The following ZBTB20 variants were observed in gnomAD, a reference collection of about 807,000 sequenced individuals.
ZBTB20 encodes zinc finger and BTB domain-containing protein 20.
ZBTB20 carries 9 observed loss-of-function variants against 56.9 expected under a neutral mutation model. The observed-to-expected ratio is 0.16, with a 90% confidence interval of 0.10 to 0.28. The LOEUF is 0.28. ZBTB20 is among the 10% of genes least tolerant of loss of function. The pLI, the probability that ZBTB20 is intolerant of heterozygous loss-of-function variation, is 1.00. For missense variants in ZBTB20, 655 were observed against 1,003.0 expected (o/e 0.65, Z 4.69); for synonymous variants, 417 against 420.7 (o/e 0.99, Z 0.11).
chr3:114,583,775 T>C (rs1047854672), intron 6 of ZBTB20, among the ~76,000 whole-genome samples: 1 of 152,226 alleles, frequency 6.6e-6, no homozygotes, highest in Non-Finnish European at 1.5e-5. Context: ...GAGGTCTCAG[T>C]TACTATAATA....
At chr3:114,805,977 C>G (rs2072075894) in intron 4 of ZBTB20, among the ~76,000 whole-genome samples, 1 of 151,828 alleles carries the variant, frequency 6.6e-6, no homozygotes, top group African/African-American at 2.4e-5. Context: ...TATAACACCA[C>G]ATTTTATTTA....
chr3:114,514,841 C>A (rs1463811506), intron 6 of ZBTB20, among the ~76,000 whole-genome samples: 1 of 152,194 alleles, frequency 6.6e-6, no homozygotes, highest in Non-Finnish European at 1.5e-5. Flanking sequence ...GAAACCTCAG[C>A]ACACTTTTGG....
intron 6 of ZBTB20, among the ~76,000 whole-genome samples, chr3:114,563,527 C>A (rs1433887178): frequency 6.6e-6 from 1 of 152,040 alleles, no homozygotes; most frequent in Non-Finnish European, 1.5e-5. Flanking sequence ...TCAATTGTTG[C>A]CACAGTCAAG....
At chr3:114,494,876 T>G (rs981841091) in intron 7 of ZBTB20, among the ~76,000 whole-genome samples, 25 of 152,196 alleles carry the variant, frequency 1.6e-4, no homozygotes, top group African/African-American at 5.8e-4. Flanking sequence ...AGAATTCAAG[T>G]GGGGAAAAGT....
intron 2 of ZBTB20, among the ~76,000 whole-genome samples, chr3:114,995,509 T>C (rs1039222202): frequency 6.6e-6 from 1 of 151,818 alleles, no homozygotes; most frequent in Non-Finnish European, 1.5e-5. Context: ...TCTTAACATT[T>C]AAAGACAAAA....
chr3:114,357,877 GA>G (rs1410385224), intron 10 of ZBTB20, among the ~76,000 whole-genome samples: 1 of 152,186 alleles, frequency 6.6e-6, no homozygotes, highest in African/African-American at 2.4e-5. Flanking sequence ...GCCAAAATGA[GA>G]AAAGTTACTT....
chr3:114,553,920 C>G (rs2050883021), intron 6 of ZBTB20, among the ~76,000 whole-genome samples: 1 of 152,118 alleles, frequency 6.6e-6, no homozygotes, highest in African/African-American at 2.4e-5. Context: ...CTAAAAATCT[C>G]CTACATAAAG....
intron 5 of ZBTB20, among the ~76,000 whole-genome samples, chr3:114,788,067 A>G (rs951972033): frequency 1.3e-5 from 2 of 152,170 alleles, no homozygotes; most frequent in Non-Finnish European, 1.5e-5. Flanking sequence ...ATAAATTACC[A>G]TATTTCATAA....
intron 10 of ZBTB20, among the ~76,000 whole-genome samples, chr3:114,372,377 T>C (rs528659066): frequency 6.6e-6 from 1 of 152,290 alleles, no homozygotes; most frequent in African/African-American, 2.4e-5. Flanking sequence ...CAGTGTAACT[T>C]GAGCCAATGG....
At chr3:114,488,033 T>C (rs2042328706) in intron 7 of ZBTB20, among the ~76,000 whole-genome samples, 2 of 152,220 alleles carry the variant, frequency 1.3e-5, no homozygotes, top group South Asian at 4.1e-4. Flanking sequence ...GCGCTGATGA[T>C]AATTTTTACA....
At chr3:114,383,072 A>G (rs1186425588) in intron 8 of ZBTB20, among the ~76,000 whole-genome samples, 2 of 152,210 alleles carry the variant, frequency 1.3e-5, no homozygotes, top group Admixed American at 6.5e-5. Context: ...CTGAATCCCA[A>G]TTAAGTTTCC....
chr3:114,362,289 A>G (rs2108336117), intron 10 of ZBTB20, among the ~76,000 whole-genome samples: 1 of 152,204 alleles, frequency 6.6e-6, no homozygotes, highest in South Asian at 2.1e-4. Flanking sequence ...AAGCCTCCCA[A>G]AGGCTAGTAT....
chr3:114,882,887 A>C (rs2076450465), intron 4 of ZBTB20, among the ~76,000 whole-genome samples: 5 of 152,152 alleles, frequency 3.3e-5, no homozygotes, highest in Admixed American at 3.3e-4. Context: ...CATTTTAAAA[A>C]TACAAATAGC....
chr3:114,968,819 A>G (rs923220472), intron 3 of ZBTB20, among the ~76,000 whole-genome samples: 2 of 152,222 alleles, frequency 1.3e-5, no homozygotes, highest in Non-Finnish European at 2.9e-5. Context: ...ATATCATATA[A>G]AGTAAGCCAG....
chr3:114,984,421 G>A (rs1044364709), intron 2 of ZBTB20, among the ~76,000 whole-genome samples: 5 of 151,924 alleles, frequency 3.3e-5, no homozygotes, highest in African/African-American at 1.2e-4. Context: ...ACAGGAGACA[G>A]CTTTCTTTAA....
intron 7 of ZBTB20, among the ~76,000 whole-genome samples, chr3:114,427,756 C>T (rs1041334779): frequency 4.6e-5 from 7 of 152,202 alleles, no homozygotes; most frequent in African/African-American, 1.4e-4. Context: ...CAAAATGTAT[C>T]GTGTAATAAG....
At position 114,434,989 on chromosome 3, in the gene ZBTB20, C is replaced by T. The variant is rs141347091; in HGVS notation, c.-254-45884G>A. On this transcript the variant is annotated intron_variant, in intron 7 of 11. Coordinates refer to ENST00000675478, the MANE Select transcript of ZBTB20 (RefSeq NM_001348800.3). ...TGATCCATTGTCTCACCAATGCTCA[C>T]ACAACTTGGGACTGTGTTATCAGGG... Among the ~76,000 whole-genome samples, 252 of 152,260 alleles carry T rather than the reference C, an allele frequency of 1.7e-3. 6 individuals are homozygous for T. In the East Asian group the frequency reaches 0.041, roughly 25 times the overall value.
chr3:114,843,171 T>A (rs1045982015), intron 4 of ZBTB20, among the ~76,000 whole-genome samples: 11 of 152,272 alleles, frequency 7.2e-5, no homozygotes, highest in Non-Finnish European at 1.2e-4. Context: ...AAGCCTCTTT[T>A]CTTTATAAAT....
chr3:115,030,817 A>G, intron 2 of ZBTB20, among the ~76,000 whole-genome samples: 1 of 151,228 alleles, frequency 6.6e-6, no homozygotes, highest in Non-Finnish European at 1.5e-5. Flanking sequence ...TTTATCACTT[A>G]AAGTTTATTG....
Sources: allele counts gnomAD v4.1 joint callset (sites outside exome capture counted in the v4.1 genomes callset), GRCh38; gene constraint gnomAD v4.1.1; transcripts MANE v1.5; gene names NCBI Gene and HGNC (gene_info 2026-07-23, HGNC 2026-07-21).